The following CALD1 variants were observed in gnomAD, a reference collection of about 807,000 sequenced individuals.
CALD1 encodes caldesmon 1.
Under a neutral mutation model 99.9 loss-of-function variants are expected in CALD1, and 33 were observed. That is an observed-to-expected ratio of 0.33 (90% CI 0.25 to 0.44). The LOEUF is 0.44. Among genes scored for constraint, CALD1 ranks in the 20% least tolerant of loss-of-function variants. The pLI is 1.00. For synonymous variants in CALD1, 310 were observed against 325.0 expected, an observed-to-expected ratio of 0.95 and a Z score of 0.50; for missense variants, 861 against 962.1, an observed-to-expected ratio of 0.89 and a Z score of 1.39.
intron 1 of CALD1, among the ~76,000 whole-genome samples, chr7:134,833,385 T>C (rs3800718): frequency 0.094 from 14,387 of 152,256 alleles, 792 homozygotes; most frequent in South Asian, 0.19. Context: ...TGGTTAAAAT[T>C]CCACATTTTA....
At chr7:134,711,628 T>TTCTCTCTCTC in the CALD1 span, among the ~76,000 whole-genome samples, 2,439 of 63,892 alleles carry the variant, frequency 0.038, 103 homozygotes, top group African/African-American at 0.08. Flanking sequence ...CAACCTCAGC[T>TTCTCTCTCTC]TCTCTCTCTC....
chr7:134,921,085 GTAATCTCT>G (rs1804586325), intron 3 of CALD1, among the ~76,000 whole-genome samples: 1 of 152,164 alleles, frequency 6.6e-6, no homozygotes, highest in Non-Finnish European at 1.5e-5. Flanking sequence ...TGGCAATCTT[GTAATCTCT>G]TTCAATACAG....
At chr7:134,759,669 G>C (rs1446581479) in intron 1 of CALD1, among the ~76,000 whole-genome samples, 2 of 152,178 alleles carry the variant, frequency 1.3e-5, no homozygotes, top group African/African-American at 4.8e-5. Flanking sequence ...TTAAGGGCTG[G>C]CCTTTTAAGT....
chr7:134,870,693 CCTTT>C (rs917426164), intron 3 of CALD1, among the ~76,000 whole-genome samples: 1 of 58,614 alleles, frequency 1.7e-5, no homozygotes, highest in Non-Finnish European at 3.2e-5. Flanking sequence ...TTCTTTCCTT[CCTTT>C]CTTTCTTGCT....
intron 1 of CALD1, among the ~76,000 whole-genome samples, chr7:134,799,515 T>C (rs1182277565): frequency 6.6e-6 from 1 of 152,190 alleles, no homozygotes; most frequent in Non-Finnish European, 1.5e-5. Context: ...AAAGTATCTC[T>C]CCAGAGGATC....
chr7:134,843,268 G>A (rs762171445), intron 1 of CALD1, among the ~76,000 whole-genome samples: 4 of 152,196 alleles, frequency 2.6e-5, no homozygotes, highest in South Asian at 2.1e-4. Flanking sequence ...TGGTTCACCC[G>A]GGCGTCTATT....
At chr7:134,945,000 G>A (rs1806747087) in intron 7 of CALD1, among the ~76,000 whole-genome samples, 1 of 152,152 alleles carries the variant, frequency 6.6e-6, no homozygotes, top group Non-Finnish European at 1.5e-5. Flanking sequence ...GGTCACAGTA[G>A]GTGCTAATGA....
At chr7:134,734,861 T>C in the CALD1 span, 16 of 154,496 alleles carry the variant, frequency 1.0e-4, no homozygotes, top group East Asian at 2.7e-3. Context: ...TTTATTAGCA[T>C]GTGAGAACAG....
intron 2 of CALD1, among the ~76,000 whole-genome samples, chr7:134,853,105 T>C (rs1225525115): frequency 6.6e-6 from 1 of 152,202 alleles, no homozygotes; most frequent in East Asian, 1.9e-4. Context: ...ATGAAGTTAA[T>C]GTCTTAACGT....
intron 1 of CALD1, among the ~76,000 whole-genome samples, chr7:134,771,561 A>C (rs1562992750): frequency 6.6e-6 from 1 of 152,142 alleles, no homozygotes; most frequent in Admixed American, 6.5e-5. Context: ...GGGAGGGGGC[A>C]ATCACCTCCT....
At chr7:134,820,572 G>A (rs1798736590) in intron 1 of CALD1, among the ~76,000 whole-genome samples, 1 of 152,176 alleles carries the variant, frequency 6.6e-6, no homozygotes, top group Non-Finnish European at 1.5e-5. Context: ...CACTGTTCCT[G>A]GAAGAAGTCT....
intron 1 of CALD1, among the ~76,000 whole-genome samples, chr7:134,809,187 T>TA (rs1271467083): frequency 6.6e-6 from 1 of 152,234 alleles, no homozygotes; most frequent in Non-Finnish European, 1.5e-5. Flanking sequence ...ACACAGGTAG[T>TA]ATACGTACTA....
intron 1 of CALD1, among the ~76,000 whole-genome samples, chr7:134,807,085 G>A (rs1164711714): frequency 7.4e-6 from 1 of 135,480 alleles, no homozygotes; most frequent in African/African-American, 2.9e-5. Context: ...CAGTTTGTAT[G>A]CAAGTGGAGA....
At chr7:134,840,322 G>GATAGA (rs1799602099) in intron 1 of CALD1, among the ~76,000 whole-genome samples, 1 of 152,120 alleles carries the variant, frequency 6.6e-6, no homozygotes, top group Non-Finnish European at 1.5e-5. Flanking sequence ...CTTACCTTCT[G>GATAGA]GTTGTTTTGA....
At chr7:134,771,877 A>G (rs1796880472) in intron 1 of CALD1, among the ~76,000 whole-genome samples, 1 of 152,108 alleles carries the variant, frequency 6.6e-6, no homozygotes, top group Admixed American at 6.5e-5. Context: ...CCTTCTTCAG[A>G]AAAGACTACC....
upstream of CALD1, among the ~76,000 whole-genome samples, chr7:134,776,579 C>T (rs1051362379): frequency 6.6e-6 from 1 of 152,090 alleles, no homozygotes; most frequent in Non-Finnish European, 1.5e-5. Flanking sequence ...GTGTTTGGTA[C>T]TTTTGTGTCC....
rs1797190900 is a variant in CALD1, at chr7:134,783,548, A to G, written c.-130+3799A>G. On this transcript the variant is annotated intron_variant, in intron 1 of 14. Coordinates refer to ENST00000361675, the MANE Select transcript of CALD1 (RefSeq NM_033138.4). This position sits in a 1 kb window ranked among gnomAD's most constrained non-coding sequence, Gnocchi z 4.3. ...TAATTGGCAGGCTGTGGGTAAGGCT[A>G]TGGGAGCGGGGTCGGGGGGAAACTA... 6.6e-6 allele frequency among the ~76,000 whole-genome samples: 1 copy of G among 151,976 alleles called. No individual in the cohort carries two copies. Among genetic ancestry groups the G allele is most frequent in the South Asian group, 2.1e-4 (1 of 4,812 alleles).
At chr7:134,919,800 A>T (rs1046499691) in intron 3 of CALD1, among the ~76,000 whole-genome samples, 13 of 151,972 alleles carry the variant, frequency 8.6e-5, no homozygotes, top group Non-Finnish European at 1.9e-4. Context: ...TTCCATGAAA[A>T]TTTTTTTTCT....
chr7:134,747,391 C>T (rs944114397), intron 1 of CALD1, among the ~76,000 whole-genome samples: 3 of 152,178 alleles, frequency 2.0e-5, no homozygotes, highest in African/African-American at 7.2e-5. Flanking sequence ...GTTTCGCCAA[C>T]CCTAGAGGGA....
Sources: gnomAD v4.1 joint callset for allele counts (sites outside exome capture counted in the v4.1 genomes callset) on GRCh38, gnomAD v4.1.1 for gene constraint, Gnocchi (gnomAD v3.1) non-coding constraint, MANE v1.5 for transcripts, NCBI Gene and HGNC (gene_info 2026-07-23, HGNC 2026-07-21) for gene names.